Variants in TCF12 observed in about 807,000 individuals in gnomAD.
TCF12 encodes the protein DNA-binding protein HTF4.
TCF12 carries 45 observed loss-of-function variants against 86.0 expected under a neutral mutation model. The ratio of observed to expected loss-of-function variants is 0.52; its 90% CI spans 0.41 to 0.67. The LOEUF is 0.67. Among genes scored for constraint, TCF12 ranks in the 30% least tolerant of loss-of-function variants. TCF12 has a pLI of 0.00. For missense variants in TCF12, 881 were observed against 859.9 expected (o/e 1.02, Z -0.31); for synonymous variants, 330 against 299.6 (o/e 1.10, Z -1.05).
chr15:57,233,315 A>G (rs567270247), intron 11 of TCF12, among the ~76,000 whole-genome samples: 145 of 151,976 alleles, frequency 9.5e-4, no homozygotes, highest in Non-Finnish European at 1.5e-3. Context: ...AGCTGGGACT[A>G]CAGGCATGTA....
chr15:57,020,689 A>C (rs1366592090), intron 3 of TCF12, among the ~76,000 whole-genome samples: 1 of 152,174 alleles, frequency 6.6e-6, no homozygotes, highest in Non-Finnish European at 1.5e-5. Context: ...TATATTGTTT[A>C]ATTGGTTTAT....
intron 3 of TCF12, among the ~76,000 whole-genome samples, chr15:56,999,848 T>A (rs2063919565): frequency 6.6e-6 from 1 of 152,092 alleles, no homozygotes; most frequent in Non-Finnish European, 1.5e-5. Flanking sequence ...CACTCCAGCC[T>A]GGGTGACAGA....
intron 3 of TCF12, among the ~76,000 whole-genome samples, chr15:57,011,484 A>C (rs2064827622): frequency 6.6e-6 from 1 of 152,108 alleles, no homozygotes; most frequent in Non-Finnish European, 1.5e-5. Context: ...GAGCCAATTA[A>C]ACCTCTGTTC....
chr15:57,075,835 T>TCTCTTTTC (rs778545170), intron 4 of TCF12, among the ~76,000 whole-genome samples: 47 of 50,004 alleles, frequency 9.4e-4, no homozygotes, highest in African/African-American at 3.3e-3. Context: ...TCTCTCTCTC[T>TCTCTTTTC]TTTCTTTCTT....
chr15:56,931,081 C>G (rs987663239), intron 3 of TCF12, among the ~76,000 whole-genome samples: 1 of 152,018 alleles, frequency 6.6e-6, no homozygotes, highest in East Asian at 1.9e-4. Flanking sequence ...TCCTTCACCC[C>G]CCACCCCAGG....
At chr15:56,962,500 A>G (rs1414410847) in intron 3 of TCF12, among the ~76,000 whole-genome samples, 5 of 152,224 alleles carry the variant, frequency 3.3e-5, no homozygotes, top group Non-Finnish European at 1.5e-5. Context: ...CAGTGGGGAC[A>G]GTCAACATTA....
chr15:57,278,390 T>TA (rs1453326008), intron 19 of TCF12, among the ~76,000 whole-genome samples: 1 of 152,028 alleles, frequency 6.6e-6, no homozygotes, highest in East Asian at 1.9e-4. Context: ...TTTAGGAAAA[T>TA]ATATTGATAG....
At chr15:57,212,097 C>T (rs2058135748) in intron 8 of TCF12, among the ~76,000 whole-genome samples, 2 of 152,084 alleles carry the variant, frequency 1.3e-5, no homozygotes, top group South Asian at 4.1e-4. Context: ...ATTCAAAATA[C>T]ATCAGAAAAA....
chr15:57,238,692 C>T (rs1688753892), intron 12 of TCF12, among the ~76,000 whole-genome samples: 1 of 152,106 alleles, frequency 6.6e-6, no homozygotes, highest in Admixed American at 6.6e-5. Flanking sequence ...AGTTTAATCA[C>T]TCAAGTTAAA....
chr15:57,001,548 A>G (rs979783655), intron 3 of TCF12, among the ~76,000 whole-genome samples: 5 of 152,136 alleles, frequency 3.3e-5, no homozygotes, highest in African/African-American at 9.7e-5. Flanking sequence ...TGATTGTTGC[A>G]TGTTTTAGTT....
intron 18 of TCF12, among the ~76,000 whole-genome samples, 197 bp downstream of exon 18, chr15:57,263,471 T>C (rs1360107597): frequency 2.0e-5 from 3 of 152,202 alleles, no homozygotes; most frequent in African/African-American, 7.2e-5. Flanking sequence ...TTCAAAATTA[T>C]GTTTTCCTTC....
chr15:57,071,651 A>C (rs1363308664), intron 4 of TCF12, among the ~76,000 whole-genome samples: 2 of 152,216 alleles, frequency 1.3e-5, no homozygotes, highest in Non-Finnish European at 2.9e-5. Flanking sequence ...AAACAAACAC[A>C]GCCCAAAAAA....
chr15:57,225,220 C>CTT (rs139530756), intron 8 of TCF12, among the ~76,000 whole-genome samples: 2,003 of 39,746 alleles, frequency 0.05, 587 homozygotes, highest in African/African-American at 0.14. Context: ...CTGATATATG[C>CTT]TTTTTTTTTT....
At chr15:56,954,713 A>G (rs2061426292) in intron 3 of TCF12, among the ~76,000 whole-genome samples, 1 of 152,244 alleles carries the variant, frequency 6.6e-6, no homozygotes, top group African/African-American at 2.4e-5. Context: ...AGGAACTCAA[A>G]CAAATTTACA....
At chr15:57,265,077 GTATAGTAT>G (rs2060792315) in intron 18 of TCF12, among the ~76,000 whole-genome samples, 11 of 17,038 alleles carry the variant, frequency 6.5e-4, no homozygotes, top group Non-Finnish European at 3.2e-3. Flanking sequence ...AAATAGTATA[GTATAGTAT>G]AGTATAGTAT....
chr15:56,944,379 CAAGAT>C (rs1431363336), intron 3 of TCF12, among the ~76,000 whole-genome samples: 1 of 152,064 alleles, frequency 6.6e-6, no homozygotes, highest in Non-Finnish European at 1.5e-5. Context: ...CAGCCGAGAG[CAAGAT>C]AATACTTATC....
chr15:57,284,619 C>G (rs989343652), intron 20 of TCF12, among the ~76,000 whole-genome samples: 3 of 152,238 alleles, frequency 2.0e-5, no homozygotes, highest in Non-Finnish European at 4.4e-5. Flanking sequence ...GGAGAGGTAA[C>G]TTATGCTCAG....
intron 3 of TCF12, among the ~76,000 whole-genome samples, chr15:57,018,186 T>C (rs1368657651): frequency 1.3e-5 from 2 of 152,208 alleles, no homozygotes; most frequent in East Asian, 3.8e-4. Context: ...GCTCTGAATA[T>C]ACACATTGAT....
chr15:56,920,391 A>G (rs1298173344), intron 2 of TCF12, among the ~76,000 whole-genome samples: 3 of 151,928 alleles, frequency 2.0e-5, no homozygotes, highest in African/African-American at 7.3e-5. Flanking sequence ...GATGTAGTTT[A>G]TGGTACCTGA....
Sources: gnomAD v4.1 joint callset for allele counts (sites outside exome capture counted in the v4.1 genomes callset) on GRCh38, gnomAD v4.1.1 for gene constraint, MANE v1.5 for transcripts, NCBI Gene and HGNC (gene_info 2026-07-23, HGNC 2026-07-21) for gene names.